Variants in CLPTM1 observed in about 807,000 individuals in gnomAD.
CLPTM1 encodes CLPTM1 regulator of GABA type A receptor forward trafficking.
In CLPTM1, 21 loss-of-function variants were observed where a neutral mutation model predicts 77.3. The ratio of observed to expected loss-of-function variants is 0.27; its 90% CI spans 0.19 to 0.39. CLPTM1 has a LOEUF of 0.39. Among genes scored for constraint, CLPTM1 ranks in the 10% least tolerant of loss-of-function variants. The probability of loss-of-function intolerance (pLI) is 1.00; values close to 1 mark genes in which losing one functional copy is unlikely to be tolerated. For missense variants in CLPTM1, 642 were observed against 921.2 expected, an observed-to-expected ratio of 0.70 and a Z score of 3.92; for synonymous variants, 373 against 381.0, an observed-to-expected ratio of 0.98 and a Z score of 0.24.
chr19:44,959,776 T>A (rs1175121528), intron 1 of CLPTM1, among the ~76,000 whole-genome samples: 3 of 152,156 alleles, frequency 2.0e-5, no homozygotes, highest in South Asian at 4.1e-4. Context: ...ACTTTTACTT[T>A]CCCCCCTAGC....
chr19:44,966,561 C>T (rs551468516), intron 2 of CLPTM1, among the ~76,000 whole-genome samples: 16 of 152,078 alleles, frequency 1.1e-4, no homozygotes, highest in East Asian at 1.9e-4. Context: ...TGTCAGATAG[C>T]GTGTAAGAGC....
At position 44,992,762 on chromosome 19, in the gene CLPTM1, T is replaced by C. The variant is rs1600051959; in HGVS notation, c.1875T>C (p.Pro625=). ...CAGCAGGGGCCCTCACGCCCACACC[T>C]GCACCCACCACGACCACCGCCACCA... ...PTAAGALTPT[P]APTTTTATRE... The change falls in exon 14 of 14, where the codon CCT becomes CCC. Residue 625 remains proline, a synonymous_variant. Coordinates refer to ENST00000337392, the MANE Select transcript of CLPTM1 (RefSeq NM_001294.4). This position sits in a 1 kb window ranked among gnomAD's most constrained non-coding sequence, Gnocchi z 7.7. The C allele has an allele frequency of 6.2e-7, 1 of 1,612,462 alleles. No individual in the cohort carries two copies. The highest frequency in any genetic ancestry group is 2.2e-5 in the East Asian group (1 of 44,866).
At chr19:44,982,795 G>A (rs1213967102) in intron 5 of CLPTM1, among the ~76,000 whole-genome samples, 1 of 152,194 alleles carries the variant, frequency 6.6e-6, no homozygotes, top group Non-Finnish European at 1.5e-5. Flanking sequence ...TGGCCAGGTG[G>A]CTCAAGCCTG....
intron 2 of CLPTM1, among the ~76,000 whole-genome samples, chr19:44,967,189 C>T (rs572505370): frequency 5.9e-5 from 9 of 152,138 alleles, no homozygotes; most frequent in African/African-American, 2.2e-4. Context: ...TGTGATGGCG[C>T]ACACCTGTAG....
intron 2 of CLPTM1, among the ~76,000 whole-genome samples, chr19:44,968,070 T>C (rs1183620197): frequency 1.3e-5 from 2 of 152,254 alleles, no homozygotes; most frequent in Non-Finnish European, 1.5e-5. Context: ...ATTAACAATA[T>C]ATCTTTGAAA....
intron 8 of CLPTM1, 147 bp downstream of exon 8, chr19:44,987,570 A>G: frequency 9.2e-7 from 1 of 1,084,398 alleles, no homozygotes; most frequent in Non-Finnish European, 1.3e-6. Context: ...CCTTCTCCAC[A>G]GTGAAAGGAA....
Position 44,991,451 on chromosome 19 carries a change from C to A in CLPTM1, c.1555+78C>A. ...CACAGCCCCAGTGTAGGAGACAGACCCATCCCCAGACAGGGACAACCTAGG... is the reference window on the plus strand; with the variant it reads ...CACAGCCCCAGTGTAGGAGACAGACACATCCCCAGACAGGGACAACCTAGG... On this transcript the variant is annotated intron_variant, in intron 12 of 13. Transcript: ENST00000337392. This position sits in a 1 kb window ranked among gnomAD's most constrained non-coding sequence, Gnocchi z 5.4. 6.5e-7 allele frequency: 1 copy of A among 1,547,422 alleles called. No homozygotes were observed. Among genetic ancestry groups the A allele is most frequent in the Non-Finnish European group, 8.8e-7 (1 of 1,140,220 alleles).
intron 2 of CLPTM1, among the ~76,000 whole-genome samples, chr19:44,970,350 A>G (rs1009773963): frequency 6.9e-6 from 1 of 144,188 alleles, no homozygotes; most frequent in Non-Finnish European, 1.5e-5. Context: ...TTAGTTTCCT[A>G]TAGGGTAGGT....
intron 5 of CLPTM1, among the ~76,000 whole-genome samples, chr19:44,977,692 CAG>C (rs1255577894): frequency 2.0e-5 from 3 of 152,090 alleles, no homozygotes; most frequent in Non-Finnish European, 2.9e-5. Flanking sequence ...GCTCAGGGAC[CAG>C]AGAGAAATTG....
At chr19:44,982,446 A>G (rs532726530) in intron 5 of CLPTM1, among the ~76,000 whole-genome samples, 129 of 152,234 alleles carry the variant, frequency 8.5e-4, no homozygotes, top group African/African-American at 2.8e-3. Flanking sequence ...GTGGCCAGCA[A>G]CCCTGATACT....
In CLPTM1 at chr19:44,990,926, C is replaced by T. The variant is rs1327957623; in HGVS notation, c.1400C>T (p.Ser467Leu). The part of the protein sequence containing the change: ...FKDKSTYIES[S>L]TKVYDDMAFR... Reference sequence around the variant, plus strand: ...GACAAGTCCACGTATATCGAGTCCTCGACCAAAGTGTATGATGATGTGAGT... The same window carrying T: ...GACAAGTCCACGTATATCGAGTCCTTGACCAAAGTGTATGATGATGTGAGT... The change falls in exon 11 of 14, where the codon TCG becomes TTG. Residue 467 changes from serine (S) to leucine (L), a missense_variant. Ser to Leu is a moderately radical substitution (Grantham distance 145). Around this residue, in one of 2 missense-constraint regions of CLPTM1, gnomAD observed 521 missense variants for 800.4 expected, o/e 0.65. Transcript: ENST00000337392. The surrounding 1 kb of genome is among the most constrained non-coding windows in gnomAD (Gnocchi z 4.8). 25 of 1,613,386 alleles carry T rather than the reference C, an allele frequency of 1.5e-5. No homozygotes were observed. Among genetic ancestry groups the T allele is most frequent in the Non-Finnish European group, 2.0e-5 (23 of 1,179,396 alleles).
intron 1 of CLPTM1, among the ~76,000 whole-genome samples, chr19:44,957,714 C>G (rs1970485446): frequency 6.6e-6 from 1 of 152,192 alleles, no homozygotes; most frequent in East Asian, 1.9e-4. Flanking sequence ...TCTCCCATGC[C>G]CAGGGCCTAG....
Position 44,990,718 on chromosome 19 carries a change from C to A in CLPTM1, c.1324-132C>A. Reference sequence around the variant, plus strand: ...TCACTCCCAGGACTGAGGGGATTTTCTCACCAGGGGATTTTTTGGGTCACA... The same window carrying A: ...TCACTCCCAGGACTGAGGGGATTTTATCACCAGGGGATTTTTTGGGTCACA... On this transcript the variant is annotated intron_variant, in intron 10 of 13. Transcript: ENST00000337392. This position sits in a 1 kb window ranked among gnomAD's most constrained non-coding sequence, Gnocchi z 4.8. 7.5e-7 allele frequency: 1 copy of A among 1,333,064 alleles called. No individual in the cohort carries two copies. The highest frequency in any genetic ancestry group is 1.3e-5 in the South Asian group (1 of 79,346). The allele number at this position is 1,333,064 out of a possible 1,614,324, so 82.6% of individuals were successfully genotyped here.
At position 44,962,053 on chromosome 19, in the gene CLPTM1, G is replaced by A. The variant is rs772832625; in HGVS notation, c.163G>A (p.Val55Ile). 4 of 1,609,272 alleles carry A rather than the reference G, an allele frequency of 2.5e-6. No homozygotes were observed. The African/African-American group carries it at 5.4e-5, about 22-fold the overall frequency. ...CCAGCCGGCACCCAATGCCTGGCAG[G>A]TCATCAAAGGTGTGCTGTTTAGGTG... ...PAQPAPNAWQ[V>I]IKGVLFRIFI... Residue 55 changes from valine to isoleucine, a missense_variant, in exon 2 of 14, where the codon GTC becomes ATC. Val to Ile is a conservative substitution (Grantham distance 29). Coordinates refer to ENST00000337392, the MANE Select transcript of CLPTM1 (RefSeq NM_001294.4).
chr19:44,962,773 T>TA (rs879463761), intron 2 of CLPTM1, among the ~76,000 whole-genome samples: 37 of 150,818 alleles, frequency 2.5e-4, no homozygotes, highest in Admixed American at 1.6e-3. Context: ...CTACTAAAAA[T>TA]AAAAAAATCT....
intron 2 of CLPTM1, among the ~76,000 whole-genome samples, chr19:44,971,142 A>ACTTTAG (rs1197963451): frequency 6.6e-6 from 1 of 151,904 alleles, no homozygotes; most frequent in Non-Finnish European, 1.5e-5. Flanking sequence ...ATCCTTTACT[A>ACTTTAG]CTTTAGGATT....
rs1290115222 is a variant in CLPTM1, at chr19:44,986,695, A to G, written c.793+120A>G. 9.1e-6 allele frequency: 12 copies of G among 1,313,800 alleles called. No individual in the cohort carries two copies. In the East Asian group the frequency reaches 1.8e-4, roughly 19 times the overall value. The allele number at this position is 1,313,800 out of a possible 1,614,324, so 81.4% of individuals were successfully genotyped here. ...GAGCTTTCCAGGGCTCCACCCTCCCAAGCTCCCACCCTGTCCTATCCCCTT... is the reference window on the plus strand; with the variant it reads ...GAGCTTTCCAGGGCTCCACCCTCCCGAGCTCCCACCCTGTCCTATCCCCTT... On this transcript the variant is annotated intron_variant, in intron 7 of 13. Coordinates refer to ENST00000337392, the MANE Select transcript of CLPTM1 (RefSeq NM_001294.4).
chr19:44,971,702 G>A (rs1031998717), intron 2 of CLPTM1, among the ~76,000 whole-genome samples: 2 of 151,918 alleles, frequency 1.3e-5, no homozygotes, highest in African/African-American at 4.8e-5. Flanking sequence ...GGGACTACAG[G>A]CATGGGCCAC....
intron 9 of CLPTM1, among the ~76,000 whole-genome samples, chr19:44,989,776 G>A (rs924774583): frequency 3.9e-5 from 6 of 152,154 alleles, no homozygotes; most frequent in Non-Finnish European, 8.8e-5. Flanking sequence ...GGGTGTCCGT[G>A]GTGAGACCAG....
Sources: allele counts gnomAD v4.1 joint callset (sites outside exome capture counted in the v4.1 genomes callset), GRCh38; gene constraint gnomAD v4.1.1; regional missense constraint gnomAD v4.1.1; non-coding constraint Gnocchi (gnomAD v3.1); transcripts MANE v1.5; gene names NCBI Gene and HGNC (gene_info 2026-07-23, HGNC 2026-07-21).